The following CDC26 variants were observed in gnomAD, a reference collection of about 807,000 sequenced individuals.
CDC26 encodes anaphase-promoting complex subunit CDC26.
A neutral mutation model predicts 8.0 loss-of-function variants in CDC26; 2 were observed. The observed-to-expected ratio is 0.25, with a 90% CI of 0.10 to 0.79. The LOEUF is 0.79. CDC26 is among the 30% of genes least tolerant of loss of function. CDC26 has a pLI of 0.70. For missense variants in CDC26, 68 were observed against 106.0 expected, an observed-to-expected ratio of 0.64 and a Z score of 1.57; for synonymous variants, 19 against 34.9, an observed-to-expected ratio of 0.55 and a Z score of 1.60.
intron 2 of CDC26, 88 bp downstream of exon 2, chr9:113,273,241 T>C (rs759863671): frequency 1.8e-4 from 27 of 152,242 alleles, no homozygotes; most frequent in Non-Finnish European, 4.0e-4. Flanking sequence ...GTGAATTTAA[T>C]CTACCCTACA....
chr9:113,271,590 T>C (rs957091358), intron 3 of CDC26, among the ~76,000 whole-genome samples: 6 of 152,284 alleles, frequency 3.9e-5, no homozygotes, highest in African/African-American at 9.6e-5. Flanking sequence ...AGATCCTCCA[T>C]AGGGAATGTG....
intron 3 of CDC26, 33 bp from the exon 4 acceptor site, chr9:113,267,472 C>T (rs1564228303): frequency 1.3e-6 from 2 of 1,578,590 alleles, no homozygotes; most frequent in East Asian, 2.2e-5. Context: ...ATTAAGGCAA[C>T]ATTCTTTCAA....
chr9:113,271,514 A>C (rs66509679), intron 3 of CDC26, among the ~76,000 whole-genome samples: 13,969 of 152,188 alleles, frequency 0.092, 988 homozygotes, highest in African/African-American at 0.19. Context: ...GGAGTGATAC[A>C]GTCATGAGTC....
intron 3 of CDC26, among the ~76,000 whole-genome samples, chr9:113,270,502 T>G (rs907741886): frequency 6.6e-6 from 1 of 152,144 alleles, no homozygotes; most frequent in African/African-American, 2.4e-5. Flanking sequence ...TAAATTATAA[T>G]AAATGCTATG....
intron 1 of CDC26, 28 bp downstream of exon 1, chr9:113,275,354 C>G (rs1001806473): frequency 5.3e-5 from 10 of 187,604 alleles, no homozygotes; most frequent in East Asian, 2.6e-4. Flanking sequence ...AGAGTTCAGC[C>G]CCGAGCCGCG....
rs149187163 is a variant in CDC26, at chr9:113,272,881, G to A, written c.-41-333C>T. Among the ~76,000 whole-genome samples the A allele has an allele frequency of 6.9e-4, 105 of 151,990 alleles. 2 individuals are homozygous for A. In the East Asian group the frequency reaches 0.013, roughly 19 times the overall value. Reference sequence around the variant, plus strand: ...TAATTTTTGTGTTTTTTGTAGAAATGGGATCTCTCTCTGATGCCCAGGCTG... The same window carrying A: ...TAATTTTTGTGTTTTTTGTAGAAATAGGATCTCTCTCTGATGCCCAGGCTG... On this transcript the variant is annotated intron_variant, in intron 2 of 3. Transcript: ENST00000374206.
chr9:113,268,354 A>G (rs1831897588), intron 3 of CDC26, among the ~76,000 whole-genome samples: 1 of 152,164 alleles, frequency 6.6e-6, no homozygotes, highest in Admixed American at 6.5e-5. Context: ...TTGTGGCTTC[A>G]TTTTGTTTTC....
In CDC26 at chr9:113,272,537, G is replaced by C; in HGVS notation, c.-30C>G. ...AAGTCAACACTAAGGGCCAAACCCAGTGAACTATTAGCTGTTAAAAATGAA... is the reference window on the plus strand; with the variant it reads ...AAGTCAACACTAAGGGCCAAACCCACTGAACTATTAGCTGTTAAAAATGAA... On this transcript the variant is annotated 5_prime_UTR_variant, in exon 3 of 4. Transcript: ENST00000374206. 1 of 1,497,310 alleles carries C rather than the reference G, an allele frequency of 6.7e-7. No individual in the cohort carries two copies. 92.8% of individuals were successfully genotyped at this position (1,497,310 alleles called of 1,614,324 possible).
intron 3 of CDC26, among the ~76,000 whole-genome samples, chr9:113,271,491 G>A (rs1051285556): frequency 1.3e-5 from 2 of 152,122 alleles, no homozygotes; most frequent in African/African-American, 4.8e-5. Flanking sequence ...ATATGACTCT[G>A]GAGGCAGAGA....
chr9:113,274,779 A>G (rs557938118), intron 1 of CDC26, among the ~76,000 whole-genome samples: 42 of 152,148 alleles, frequency 2.8e-4, no homozygotes, highest in Non-Finnish European at 5.7e-4. Flanking sequence ...CTCTTGGAAT[A>G]TTATTTGGCA....
At chr9:113,272,156 G>A (rs1376525150) in intron 3 of CDC26, among the ~76,000 whole-genome samples, 2 of 152,106 alleles carry the variant, frequency 1.3e-5, no homozygotes, top group Non-Finnish European at 2.9e-5. Flanking sequence ...AGTGGCTCAC[G>A]CGTGTAATCC....
intron 1 of CDC26, among the ~76,000 whole-genome samples, chr9:113,275,122 G>A (rs1002680442): frequency 2.6e-5 from 4 of 152,072 alleles, no homozygotes; most frequent in African/African-American, 9.7e-5. Flanking sequence ...TTAATCTCCC[G>A]CCGCAGCCCA....
intron 3 of CDC26, among the ~76,000 whole-genome samples, chr9:113,268,055 CGA>C: frequency 6.6e-6 from 1 of 151,964 alleles, no homozygotes; most frequent in Non-Finnish European, 1.5e-5. Context: ...GGCAAACAGA[CGA>C]TTATAGGGTG....
At chr9:113,267,566 A>ACAGTGAGCCG in intron 3 of CDC26, 127 bp from the exon 4 acceptor site, 2 of 1,253,660 alleles carry the variant, frequency 1.6e-6, no homozygotes, top group Non-Finnish European at 2.2e-6. Context: ...CAATAAACTG[A>ACAGTGAGCCG]AATCCTAGGT....
At position 113,275,422 on chromosome 9, in the gene CDC26, T is replaced by TC. The variant is rs532859078; in HGVS notation, c.-193dup. The TC allele has an allele frequency of 5.6e-5, 18 of 321,914 alleles. No homozygotes were observed. Among genetic ancestry groups the TC allele is most frequent in the Middle Eastern group, 8.3e-4 (1 of 1,212 alleles). 19.9% of individuals were successfully genotyped at this position (321,914 alleles called of 1,614,324 possible). A position where few individuals can be genotyped will look rare whatever the true frequency, so the allele number is the denominator to read the frequency against. Reference sequence around the variant, plus strand: ...CCTAGCCCCTTCCCGGAACCTCGGCTCCCCCCCAACGAAACTACTGCTAAG... The same window carrying TC: ...CCTAGCCCCTTCCCGGAACCTCGGCTCCCCCCCCAACGAAACTACTGCTAAG... On this transcript the variant is annotated 5_prime_UTR_variant, in exon 1 of 4. Transcript: ENST00000374206.
chr9:113,272,004 A>C (rs912583067), intron 3 of CDC26, among the ~76,000 whole-genome samples: 47 of 152,172 alleles, frequency 3.1e-4, no homozygotes, highest in African/African-American at 9.7e-4. Context: ...CATAGAGACA[A>C]GGTCTCACTA....
At chr9:113,267,510 C>A in intron 3 of CDC26, 71 bp from the exon 4 acceptor site, 2 of 1,525,048 alleles carry the variant, frequency 1.3e-6, no homozygotes, top group Non-Finnish European at 1.8e-6. Context: ...AGAACACCTA[C>A]CATGTACTAG....
intron 3 of CDC26, among the ~76,000 whole-genome samples, chr9:113,268,092 G>A (rs946733540): frequency 3.3e-5 from 5 of 152,142 alleles, no homozygotes; most frequent in African/African-American, 1.2e-4. Flanking sequence ...CTATGACAGA[G>A]AGAAGTCTAC....
intron 1 of CDC26, among the ~76,000 whole-genome samples, chr9:113,275,150 T>C (rs1306768526): frequency 6.6e-6 from 1 of 152,082 alleles, no homozygotes; most frequent in Non-Finnish European, 1.5e-5. Flanking sequence ...CGCCGAGCCA[T>C]CAAGCTCAGA....
Sources: gnomAD v4.1 joint callset for allele counts (sites outside exome capture counted in the v4.1 genomes callset) on GRCh38, gnomAD v4.1.1 for gene constraint, MANE v1.5 for transcripts, NCBI Gene and HGNC (gene_info 2026-07-23, HGNC 2026-07-21) for gene names.